The following BCL2 variants were observed in gnomAD, a reference collection of about 807,000 sequenced individuals.
BCL2 encodes apoptosis regulator Bcl-2.
A neutral mutation model predicts 14.2 loss-of-function variants in BCL2; 1 was observed. The ratio of observed to expected loss-of-function variants is 0.07; its 90% CI spans 0.02 to 0.33. The LOEUF (loss-of-function observed/expected upper bound fraction) is 0.33, where lower values mean the gene tolerates loss of function less well. Among genes scored for constraint, BCL2 ranks in the 10% least tolerant of loss-of-function variants. BCL2 has a pLI of 0.99. For missense variants in BCL2, 247 were observed against 305.9 expected (o/e 0.81, Z 1.44); for synonymous variants, 151 against 137.2 (o/e 1.10, Z -0.70).
At chr18:63,273,081 T>G (rs71353383) in intron 2 of BCL2, among the ~76,000 whole-genome samples, 6,794 of 152,024 alleles carry the variant, frequency 0.045, 252 homozygotes, top group African/African-American at 0.085. Flanking sequence ...ATTTTCATAA[T>G]GATACAGATA....
intron 2 of BCL2, among the ~76,000 whole-genome samples, chr18:63,298,312 A>C (rs1912858654): frequency 1.3e-5 from 2 of 152,224 alleles, no homozygotes; most frequent in Admixed American, 1.3e-4. Flanking sequence ...CTGAATGCCA[A>C]GGAGCTCAGA....
At chr18:63,232,865 G>A (rs972244885) in intron 2 of BCL2, among the ~76,000 whole-genome samples, 3 of 152,200 alleles carry the variant, frequency 2.0e-5, no homozygotes, top group Non-Finnish European at 4.4e-5. Flanking sequence ...GGAAACATCA[G>A]TTAGGGAGTG....
intron 2 of BCL2, among the ~76,000 whole-genome samples, chr18:63,287,524 C>T (rs1912509979): frequency 1.3e-5 from 2 of 152,012 alleles, no homozygotes; most frequent in Non-Finnish European, 2.9e-5. Flanking sequence ...TACAAACTCT[C>T]ATCATGAAAT....
intron 2 of BCL2, among the ~76,000 whole-genome samples, chr18:63,201,347 T>G (rs1212858740): frequency 6.6e-6 from 1 of 152,218 alleles, no homozygotes; most frequent in Non-Finnish European, 1.5e-5. Context: ...CAATTCATCC[T>G]TATAACCCTC....
chr18:63,139,363 C>T (rs967858984), intron 2 of BCL2, among the ~76,000 whole-genome samples: 8 of 152,166 alleles, frequency 5.3e-5, no homozygotes, highest in African/African-American at 1.4e-4. Flanking sequence ...GACTAAAGGC[C>T]GTATCTATAT....
Position 63,124,759 on chromosome 18 carries a change from TG to T in BCL2, c.*3865del, listed in dbSNP as rs1913868308. ...TAAAAAGTGTGTAACCACATTTGTC[TG>T]GGCTGCAAAAGACACCACAGAATAA... On this transcript the variant is annotated 3_prime_UTR_variant, in exon 3 of 3. Transcript: ENST00000333681. 1 of 230,108 alleles carries T rather than the reference TG, an allele frequency of 4.3e-6. No individual in the cohort carries two copies. Among genetic ancestry groups the T allele is most frequent in the African/African-American group, 2.2e-5 (1 of 45,294 alleles). The allele number at this position is 230,108 out of a possible 1,614,324, so 14.3% of individuals were successfully genotyped here. A position where few individuals can be genotyped will look rare whatever the true frequency, so the allele number is the denominator to read the frequency against.
intron 2 of BCL2, among the ~76,000 whole-genome samples, chr18:63,205,921 G>A (rs1480911179): frequency 6.6e-6 from 1 of 152,122 alleles, no homozygotes; most frequent in Non-Finnish European, 1.5e-5. Context: ...TATGAGTTTA[G>A]CATTTCTAAG....
Position 63,173,527 on chromosome 18 carries a change from TGGAGGAA to T in BCL2, c.586-44775_586-44769del, listed in dbSNP as rs145991481. The stretch of plus-strand genomic sequence containing the variant: ...CCTGGAGCAGAATTCGGAAAGCGGA[TGGAGGAA>T]GTGAATTTTAAGACCTGTGCAGCAG... On this transcript the variant is annotated intron_variant, in intron 2 of 2. Coordinates refer to ENST00000333681, the MANE Select transcript of BCL2 (RefSeq NM_000633.3). Among the ~76,000 whole-genome samples the T allele has an allele frequency of 2.5e-3, 374 of 152,352 alleles. 1 individual carries two copies. Among genetic ancestry groups the T allele is most frequent in the African/African-American group, 8.5e-3 (353 of 41,576 alleles).
At chr18:63,220,220 G>A (rs963655780) in intron 2 of BCL2, among the ~76,000 whole-genome samples, 2 of 152,236 alleles carry the variant, frequency 1.3e-5, no homozygotes, top group African/African-American at 4.8e-5. Flanking sequence ...ATCAAGAGCA[G>A]CTGTGCAAAT....
intron 2 of BCL2, among the ~76,000 whole-genome samples, chr18:63,276,641 C>T (rs772129669): frequency 9.2e-5 from 14 of 152,194 alleles, no homozygotes; most frequent in Non-Finnish European, 7.3e-5. Context: ...TTTACTAACA[C>T]GTATTCACCA....
rs1913615711 is a variant in BCL2, at chr18:63,319,199, C to A, written c.-312G>T. On this transcript the variant is annotated 5_prime_UTR_variant, in exon 1 of 3. Transcript: ENST00000333681. ...TTGTATTTTTTAAGTACAGCATGAT[C>A]CTCTGTCAAGTTTCCTTTTTGTAAA... 2.5e-6 allele frequency: 1 copy of A among 403,944 alleles called. No homozygotes were observed. The highest frequency in any genetic ancestry group is 5.6e-5 in the Admixed American group (1 of 17,974). The allele number at this position is 403,944 out of a possible 1,614,324, so 25.0% of individuals were successfully genotyped here.
At chr18:63,235,432 AAC>A (rs561284853) in intron 2 of BCL2, among the ~76,000 whole-genome samples, 2 of 152,244 alleles carry the variant, frequency 1.3e-5, no homozygotes, top group Non-Finnish European at 2.9e-5. Flanking sequence ...TGATAACTAC[AAC>A]ACAGCATGGA....
intron 2 of BCL2, among the ~76,000 whole-genome samples, chr18:63,258,187 G>A (rs1223317909): frequency 6.6e-6 from 1 of 152,202 alleles, no homozygotes; most frequent in East Asian, 1.9e-4. Flanking sequence ...ATCCCCCTGA[G>A]CCTTCAGAAC....
chr18:63,215,539 T>C (rs1239206207), intron 2 of BCL2, among the ~76,000 whole-genome samples: 1 of 152,198 alleles, frequency 6.6e-6, no homozygotes, highest in Non-Finnish European at 1.5e-5. Flanking sequence ...TATTTGTGAC[T>C]ACAAAACATT....
chr18:63,193,696 T>G (rs1274408018), intron 2 of BCL2, among the ~76,000 whole-genome samples: 3 of 151,590 alleles, frequency 2.0e-5, no homozygotes, highest in Non-Finnish European at 4.4e-5. Context: ...TCCGTATCCA[T>G]GCATCTGTGA....
At chr18:63,269,956 GT>G (rs1160825104) in intron 2 of BCL2, among the ~76,000 whole-genome samples, 13 of 152,118 alleles carry the variant, frequency 8.5e-5, no homozygotes, top group Middle Eastern at 3.4e-3. Flanking sequence ...GCACAAACAG[GT>G]TTCCACCTTT....
At chr18:63,262,307 A>G (rs1911684075) in intron 2 of BCL2, among the ~76,000 whole-genome samples, 1 of 152,224 alleles carries the variant, frequency 6.6e-6, no homozygotes, top group Non-Finnish European at 1.5e-5. Flanking sequence ...GCTTTGACGT[A>G]AAGAGTATTT....
At chr18:63,195,659 C>T (rs1909427261) in intron 2 of BCL2, among the ~76,000 whole-genome samples, 1 of 152,182 alleles carries the variant, frequency 6.6e-6, no homozygotes, top group Admixed American at 6.5e-5. Context: ...TAGACTAACA[C>T]ACACCCTTAG....
chr18:63,318,847 C>A lies in BCL2; in HGVS notation c.-181G>T. The A allele has an allele frequency of 7.1e-7, 1 of 1,399,440 alleles. No homozygotes were observed. The highest frequency in any genetic ancestry group is 1.6e-5 in the South Asian group (1 of 61,126). The allele number at this position is 1,399,440 out of a possible 1,614,324, so 86.7% of individuals were successfully genotyped here. ...CTTGATTCTGGTGTTTCCCCCTTGGCATGAGATGCAGGAAATTTTTATTCC... is the reference window on the plus strand; with the variant it reads ...CTTGATTCTGGTGTTTCCCCCTTGGAATGAGATGCAGGAAATTTTTATTCC... On this transcript the variant is annotated 5_prime_UTR_variant, in exon 2 of 3. It removes an upstream start codon present in the reference 5' UTR. Coordinates refer to ENST00000333681, the MANE Select transcript of BCL2 (RefSeq NM_000633.3). This position sits in a 1 kb window ranked among gnomAD's most constrained non-coding sequence, Gnocchi z 7.4.
Sources: gnomAD v4.1 joint callset for allele counts (sites outside exome capture counted in the v4.1 genomes callset) on GRCh38, gnomAD v4.1.1 for gene constraint, Gnocchi (gnomAD v3.1) non-coding constraint, MANE v1.5 for transcripts, NCBI Gene and HGNC (gene_info 2026-07-23, HGNC 2026-07-21) for gene names.